Variants in EFCAB5 observed in about 807,000 individuals in gnomAD.
EFCAB5 encodes EF-hand calcium-binding domain-containing protein 5.
A neutral mutation model predicts 167.9 loss-of-function variants in EFCAB5; 131 were observed. That is an observed-to-expected ratio of 0.78 (90% CI 0.68 to 0.90). The LOEUF is 0.90. Ranked by LOEUF, EFCAB5 falls within the 40% of genes least tolerant of loss-of-function variation. The probability of loss-of-function intolerance (pLI) is 0.00; values close to 1 mark genes in which losing one functional copy is unlikely to be tolerated. For synonymous variants in EFCAB5, 574 were observed against 602.8 expected, an observed-to-expected ratio of 0.95 and a Z score of 0.70; for missense variants, 1,663 against 1,745.2, an observed-to-expected ratio of 0.95 and a Z score of 0.84.
intron 6 of EFCAB5, among the ~76,000 whole-genome samples, chr17:29,997,057 C>T (rs2068559680): frequency 6.6e-6 from 1 of 151,942 alleles, no homozygotes; most frequent in Admixed American, 6.6e-5. Flanking sequence ...ACCAGCCTGG[C>T]CAACATAGTG....
intron 8 of EFCAB5, 30 bp from the exon 9 acceptor site, chr17:30,051,088 A>G (rs755460966): frequency 1.2e-6 from 2 of 1,607,194 alleles, no homozygotes; most frequent in African/African-American, 1.3e-5. Context: ...CTCCTGTAAC[A>G]ACTAATCACA....
chr17:30,080,492 A>G (rs900437759), intron 16 of EFCAB5, among the ~76,000 whole-genome samples: 2 of 151,820 alleles, frequency 1.3e-5, no homozygotes, highest in East Asian at 1.9e-4. Context: ...TGCCTGCTCC[A>G]TAAGTTATGT....
intron 4 of EFCAB5, among the ~76,000 whole-genome samples, chr17:29,974,409 G>A (rs531964573): frequency 6.6e-6 from 1 of 151,822 alleles, no homozygotes; most frequent in Non-Finnish European, 1.5e-5. Flanking sequence ...TGGCTTGGTG[G>A]CACATGCCTA....
chr17:30,078,649 A>G, intron 15 of EFCAB5, 145 bp downstream of exon 15: 1 of 1,038,748 alleles, frequency 9.6e-7, no homozygotes, highest in Non-Finnish European at 1.3e-6. Context: ...GTCCATTACA[A>G]ATGGCCCAAA....
intron 8 of EFCAB5, among the ~76,000 whole-genome samples, chr17:30,042,195 G>A (rs2069792707): frequency 1.3e-5 from 2 of 152,130 alleles, no homozygotes; most frequent in South Asian, 4.2e-4. Flanking sequence ...TTTTAATAGA[G>A]ACGGGGTTTT....
chr17:29,961,472 A>G (rs2067719132), intron 3 of EFCAB5, among the ~76,000 whole-genome samples: 1 of 152,082 alleles, frequency 6.6e-6, no homozygotes, highest in South Asian at 2.1e-4. Flanking sequence ...AGTATATTTT[A>G]TCTTTTTTTG....
intron 4 of EFCAB5, among the ~76,000 whole-genome samples, chr17:29,982,447 G>A (rs60308126): frequency 0.015 from 2,332 of 152,060 alleles, 61 homozygotes; most frequent in African/African-American, 0.052. Context: ...GACCACCAGA[G>A]CTTAAAAACA....
chr17:29,944,238 G>C (rs1162353491), intron 3 of EFCAB5, among the ~76,000 whole-genome samples: 2 of 151,886 alleles, frequency 1.3e-5, no homozygotes, highest in Admixed American at 1.3e-4. Context: ...ACCTCACCTA[G>C]CTAGTTTTTT....
At chr17:29,962,166 T>C (rs2067732405) in intron 3 of EFCAB5, among the ~76,000 whole-genome samples, 1 of 152,204 alleles carries the variant, frequency 6.6e-6, no homozygotes, top group Admixed American at 6.5e-5. Context: ...ATTTTGGCTA[T>C]TCAAGGGCCT....
At position 29,990,861 on chromosome 17, in the gene EFCAB5, T is replaced by C. The variant is rs564629584; in HGVS notation, c.768-2304T>C. On this transcript the variant is annotated intron_variant, in intron 4 of 22. Coordinates refer to ENST00000394835, the MANE Select transcript of EFCAB5 (RefSeq NM_198529.4). ...CTGCTCGAACAGTCACTGGGGCAAC[T>C]ACTTTTCGCCCAGTGTCCTCCAGAA... 2.0e-3 allele frequency among the ~76,000 whole-genome samples: 302 copies of C among 152,290 alleles called. 1 individual carries two copies. Among genetic ancestry groups the C allele is most frequent in the African/African-American group, 7.0e-3 (292 of 41,554 alleles).
At chr17:30,090,308 G>C in intron 19 of EFCAB5, 113 bp from the exon 20 acceptor site, 1 of 1,354,702 alleles carries the variant, frequency 7.4e-7, no homozygotes, top group Non-Finnish European at 9.9e-7. Context: ...AGCAAGAAGG[G>C]CTGGCATGGT....
At position 30,059,703 on chromosome 17, in the gene EFCAB5, T is replaced by C. The variant is rs1406626905; in HGVS notation, c.2737+2T>C. On this transcript the variant is annotated splice_donor_variant, in intron 14 of 22. Coordinates refer to ENST00000394835, the MANE Select transcript of EFCAB5 (RefSeq NM_198529.4). LOFTEE classifies it high-confidence loss of function. Reference sequence around the variant, plus strand: ...TGGAAAAAGAATCTATGAAGAAAGGTAAAATATAAGAATGTTCTTATTTAA... The same window carrying C: ...TGGAAAAAGAATCTATGAAGAAAGGCAAAATATAAGAATGTTCTTATTTAA... The C allele has an allele frequency of 4.7e-5, 74 of 1,591,068 alleles. No homozygotes were observed. The highest frequency in any genetic ancestry group is 6.3e-5 in the Non-Finnish European group (74 of 1,167,600).
At chr17:30,024,805 A>C (rs2069273166) in intron 7 of EFCAB5, among the ~76,000 whole-genome samples, 1 of 152,230 alleles carries the variant, frequency 6.6e-6, no homozygotes, top group Admixed American at 6.5e-5. Flanking sequence ...TACAGTAAGC[A>C]AAACAGCGTG....
At chr17:29,976,608 C>T (rs2068068390) in intron 4 of EFCAB5, among the ~76,000 whole-genome samples, 1 of 152,270 alleles carries the variant, frequency 6.6e-6, no homozygotes, top group East Asian at 1.9e-4. Context: ...ATTCTCAGAA[C>T]TATACCATTG....
intron 8 of EFCAB5, among the ~76,000 whole-genome samples, chr17:30,043,109 C>G (rs148878952): frequency 6.6e-6 from 1 of 151,926 alleles, no homozygotes; most frequent in Admixed American, 6.6e-5. Context: ...GCAAGACCAC[C>G]CCCATCTCTT....
At chr17:30,013,515 C>T (rs1004166807) in intron 7 of EFCAB5, among the ~76,000 whole-genome samples, 3 of 152,116 alleles carry the variant, frequency 2.0e-5, no homozygotes, top group African/African-American at 7.2e-5. Flanking sequence ...TCAACTTCTT[C>T]CTGGTTTAGT....
chr17:30,098,659 A>G (rs1211256247), intron 22 of EFCAB5, among the ~76,000 whole-genome samples: 1 of 152,142 alleles, frequency 6.6e-6, no homozygotes, highest in African/African-American at 2.4e-5. Context: ...GACATAATTC[A>G]CATGCCATAA....
chr17:30,059,428 C>T, intron 13 of EFCAB5, 117 bp from the exon 14 acceptor site: 1 of 1,164,594 alleles, frequency 8.6e-7, no homozygotes, highest in Non-Finnish European at 1.2e-6. Context: ...CATGCTTAGC[C>T]TCAAAGTAAA....
chr17:29,968,254 A>C, intron 3 of EFCAB5: 1 of 423,800 alleles, frequency 2.4e-6, no homozygotes, highest in Non-Finnish European at 4.7e-6. Flanking sequence ...AATTTGAACC[A>C]AACCCTGGCA....
Sources: gnomAD v4.1 joint callset for allele counts (sites outside exome capture counted in the v4.1 genomes callset) on GRCh38, gnomAD v4.1.1 for gene constraint, MANE v1.5 for transcripts, NCBI Gene and HGNC (gene_info 2026-07-23, HGNC 2026-07-21) for gene names.